Variants in STRN observed in about 807,000 individuals in gnomAD.
The protein encoded by STRN is striatin, also known as protein phosphatase 2 regulatory subunit B'''alpha.
STRN carries 53 observed loss-of-function variants against 96.3 expected under a neutral mutation model. The observed-to-expected ratio is 0.55, with a 90% CI of 0.44 to 0.69. The LOEUF (loss-of-function observed/expected upper bound fraction) is 0.69. Ranked by LOEUF, STRN falls within the 30% of genes least tolerant of loss-of-function variation. STRN has a pLI of 0.00. For missense variants in STRN, 987 were observed against 963.9 expected (o/e 1.02, Z -0.32); for synonymous variants, 428 against 355.9 (o/e 1.20, Z -2.28).
intron 5 of STRN, among the ~76,000 whole-genome samples, chr2:36,900,892 CTAAATAAATAAA>C (rs533631408): frequency 6.0e-5 from 9 of 150,410 alleles, no homozygotes; most frequent in African/African-American, 9.8e-5. Context: ...GACTCTGTCT[CTAAATAAATAAA>C]TAAATAAATA....
intron 1 of STRN, among the ~76,000 whole-genome samples, chr2:36,932,791 G>A (rs1670607353): frequency 6.6e-6 from 1 of 152,080 alleles, no homozygotes; most frequent in African/African-American, 2.4e-5. Flanking sequence ...ATCCCTAAAT[G>A]TAAGATTACA....
In STRN at chr2:36,966,383, C is replaced by T. The variant is rs1665164802; in HGVS notation, c.81G>A (p.Leu27=). 2 of 1,462,412 alleles carry T rather than the reference C, an allele frequency of 1.4e-6. No homozygotes were observed. Among genetic ancestry groups the T allele is most frequent in the Non-Finnish European group, 1.8e-6 (2 of 1,109,388 alleles). 90.6% of individuals were successfully genotyped at this position (1,462,412 alleles called of 1,614,324 possible). ...GAGGAKGLGP[L]AEAAAAGDGA... is the part of the protein sequence containing the mutation. The stretch of plus-strand genomic sequence containing the variant: ...CGTCGCCGGCCGCGGCAGCCTCCGC[C>T]AGAGGCCCGAGCCCCTTGGCACCGC... The change falls in exon 1 of 18, where the codon CTG becomes CTA. Residue 27 remains leucine (L), a synonymous_variant. Transcript: ENST00000263918.
intron 1 of STRN, among the ~76,000 whole-genome samples, chr2:36,928,853 G>A (rs1033384545): frequency 3.4e-5 from 5 of 145,970 alleles, no homozygotes; most frequent in African/African-American, 1.3e-4. Context: ...GGAGGCTGAG[G>A]CACAGAATTG....
chr2:36,944,955 T>C (rs902300242), intron 1 of STRN, among the ~76,000 whole-genome samples: 3 of 152,230 alleles, frequency 2.0e-5, no homozygotes, highest in Non-Finnish European at 2.9e-5. Context: ...AATGGGAACG[T>C]AGACCAGAGC....
At chr2:36,850,223 C>G (rs543613630) in intron 16 of STRN, among the ~76,000 whole-genome samples, 2 of 152,212 alleles carry the variant, frequency 1.3e-5, no homozygotes, top group African/African-American at 2.4e-5. Context: ...AACATGGCCA[C>G]AATTTTGGTG....
At chr2:36,934,314 T>A (rs1572685867) in intron 1 of STRN, among the ~76,000 whole-genome samples, 1 of 152,090 alleles carries the variant, frequency 6.6e-6, no homozygotes, top group East Asian at 1.9e-4. Flanking sequence ...AATAAAACCT[T>A]CATTAAAGTT....
chr2:36,951,614 T>A (rs1664754481), intron 1 of STRN, among the ~76,000 whole-genome samples: 1 of 152,202 alleles, frequency 6.6e-6, no homozygotes, highest in Admixed American at 6.5e-5. Context: ...TATAGACACA[T>A]GTTAATACAT....
At chr2:36,952,009 T>C (rs779989508) in intron 1 of STRN, among the ~76,000 whole-genome samples, 4 of 152,148 alleles carry the variant, frequency 2.6e-5, no homozygotes, top group Non-Finnish European at 5.9e-5. Context: ...ATCTAACGCC[T>C]GATGATGTGA....
rs368412823 is a variant in STRN, at chr2:36,902,794, G to A, written c.492-43C>T. 3.0e-5 allele frequency: 45 copies of A among 1,476,802 alleles called. No individual in the cohort carries two copies. In the African/African-American group the frequency reaches 5.5e-4, roughly 18 times the overall value. 91.5% of individuals were successfully genotyped at this position (1,476,802 alleles called of 1,614,324 possible). A position where few individuals can be genotyped will look rare whatever the true frequency, so the allele number is the denominator to read the frequency against. Reference sequence around the variant, plus strand: ...TTAGAGTTCAGTCATACTGGAATCAGTATTCTATAATTTAATATGTAAATA... The same window carrying A: ...TTAGAGTTCAGTCATACTGGAATCAATATTCTATAATTTAATATGTAAATA... On this transcript the variant is annotated intron_variant, in intron 4 of 17. Transcript: ENST00000263918.
chr2:36,962,710 T>C (rs545356782), intron 1 of STRN, among the ~76,000 whole-genome samples: 2 of 152,268 alleles, frequency 1.3e-5, no homozygotes, highest in East Asian at 3.9e-4. Flanking sequence ...GGTTTCACCA[T>C]GTTGGCCAGG....
chr2:36,963,185 C>G (rs1444629096), intron 1 of STRN, among the ~76,000 whole-genome samples: 1 of 152,134 alleles, frequency 6.6e-6, no homozygotes, highest in Non-Finnish European at 1.5e-5. Flanking sequence ...CTCCCAAGAT[C>G]TGAAGGAGGG....
chr2:36,896,380 G>A (rs990361047), intron 6 of STRN, among the ~76,000 whole-genome samples: 1 of 152,106 alleles, frequency 6.6e-6, no homozygotes, highest in Non-Finnish European at 1.5e-5. Context: ...AAAGTCCTCT[G>A]CTTTTAATGT....
At chr2:36,936,311 T>C (rs765619902) in intron 1 of STRN, among the ~76,000 whole-genome samples, 14 of 152,192 alleles carry the variant, frequency 9.2e-5, no homozygotes, top group Non-Finnish European at 1.3e-4. Flanking sequence ...AGCTTTCAGA[T>C]TGGATTCTGT....
At chr2:36,929,582 A>C (rs1440333672) in intron 1 of STRN, among the ~76,000 whole-genome samples, 3 of 152,022 alleles carry the variant, frequency 2.0e-5, no homozygotes, top group African/African-American at 7.2e-5. Flanking sequence ...ACAGGGTTTT[A>C]CCATGTTGGT....
At chr2:36,865,813 A>G (rs574879068) in intron 12 of STRN, among the ~76,000 whole-genome samples, 1 of 151,708 alleles carries the variant, frequency 6.6e-6, no homozygotes, top group Non-Finnish European at 1.5e-5. Flanking sequence ...GCCTGCCTCA[A>G]CCTCCCAAAG....
chr2:36,895,873 G>C (rs138551488), intron 6 of STRN, among the ~76,000 whole-genome samples: 1 of 151,844 alleles, frequency 6.6e-6, no homozygotes, highest in African/African-American at 2.4e-5. Context: ...GCAGTGAGCT[G>C]ACATCACGCC....
intron 1 of STRN, among the ~76,000 whole-genome samples, chr2:36,949,843 A>C (rs1032764256): frequency 3.3e-5 from 5 of 152,238 alleles, no homozygotes; most frequent in African/African-American, 1.2e-4. Context: ...ACTGCAAAAA[A>C]GTATCAAGAC....
intron 3 of STRN, among the ~76,000 whole-genome samples, chr2:36,909,740 C>T (rs1004559528): frequency 1.0e-3 from 156 of 152,140 alleles, no homozygotes; most frequent in African/African-American, 3.6e-3. Context: ...CAGGGCATAT[C>T]ATAATAAAAT....
chr2:36,859,766 T>C (rs1204798302), intron 13 of STRN, among the ~76,000 whole-genome samples: 2 of 152,104 alleles, frequency 1.3e-5, no homozygotes, highest in Non-Finnish European at 2.9e-5. Flanking sequence ...AAAAAGCCAA[T>C]AGAATGGACA....
Sources: allele counts gnomAD v4.1 joint callset (sites outside exome capture counted in the v4.1 genomes callset), GRCh38; gene constraint gnomAD v4.1.1; transcripts MANE v1.5; gene names NCBI Gene and HGNC (gene_info 2026-07-23, HGNC 2026-07-21).